Variants in AK7 observed in about 807,000 individuals in gnomAD.
The protein encoded by AK7 is ATP-AMP transphosphorylase 7.
AK7 carries 78 observed loss-of-function variants against 96.6 expected under a neutral mutation model. The ratio of observed to expected loss-of-function variants is 0.81; its 90% CI spans 0.67 to 0.97. AK7 has a LOEUF of 0.97. Ranked by LOEUF, AK7 falls within the 50% of genes least tolerant of loss-of-function variation. The pLI is 0.00. For synonymous variants in AK7, 302 were observed against 317.2 expected (o/e 0.95, Z 0.51); for missense variants, 855 against 887.9 (o/e 0.96, Z 0.47).
In AK7 at chr14:96,442,821, A is replaced by G. The variant is rs768831247; in HGVS notation, c.779+3A>G. Reference sequence around the variant, plus strand: ...ATCCATGTTCTTGATCTAGCAGGGTAAGCATTCGCCCAGAGACGTGACCTT... The same window carrying G: ...ATCCATGTTCTTGATCTAGCAGGGTGAGCATTCGCCCAGAGACGTGACCTT... On this transcript the variant is annotated splice_donor_region_variant and intron_variant, in intron 7 of 17. Coordinates refer to ENST00000267584, the MANE Select transcript of AK7 (RefSeq NM_152327.5). The G allele has an allele frequency of 2.8e-5, 45 of 1,612,804 alleles. No homozygotes were observed. The East Asian group carries it at 1.0e-3, about 36-fold the overall frequency.
intron 4 of AK7, among the ~76,000 whole-genome samples, chr14:96,420,258 A>T (rs1891601434): frequency 6.6e-6 from 1 of 151,682 alleles, no homozygotes; most frequent in Admixed American, 6.6e-5. Flanking sequence ...GCACTTTGGG[A>T]GGCTGAGGTG....
At chr14:96,474,572 C>T (rs530102522) in intron 14 of AK7, among the ~76,000 whole-genome samples, 15 of 151,858 alleles carry the variant, frequency 9.9e-5, no homozygotes, top group Non-Finnish European at 1.9e-4. Flanking sequence ...GCTGCAGGTG[C>T]CCTGATTACA....
At chr14:96,467,565 C>G (rs569901253) in intron 12 of AK7, among the ~76,000 whole-genome samples, 2 of 152,200 alleles carry the variant, frequency 1.3e-5, no homozygotes, top group African/African-American at 4.8e-5. Flanking sequence ...GTTTCGAACT[C>G]CTGAGCTCAG....
intron 2 of AK7, among the ~76,000 whole-genome samples, chr14:96,400,893 A>G (rs1363999559): frequency 6.6e-6 from 1 of 152,206 alleles, no homozygotes; most frequent in Admixed American, 6.5e-5. Context: ...GGAAGAGGAA[A>G]TGTAAGTTTG....
chr14:96,461,273 A>AC (rs1486983228), intron 12 of AK7, among the ~76,000 whole-genome samples: 6 of 151,748 alleles, frequency 4.0e-5, no homozygotes, highest in Admixed American at 2.6e-4. Context: ...ACATAGCAAG[A>AC]CCCCCCATGT....
intron 1 of AK7, among the ~76,000 whole-genome samples, chr14:96,393,691 T>G (rs1315902777): frequency 6.6e-6 from 1 of 152,188 alleles, no homozygotes; most frequent in Non-Finnish European, 1.5e-5. Context: ...CAATATGGCT[T>G]CATTTTAACT....
intron 16 of AK7, among the ~76,000 whole-genome samples, chr14:96,486,005 C>T (rs371174008): frequency 2.8e-4 from 42 of 152,126 alleles, no homozygotes; most frequent in East Asian, 2.1e-3. Context: ...ACCGTGGTCT[C>T]GATCTCCTGA....
intron 12 of AK7, among the ~76,000 whole-genome samples, chr14:96,468,421 G>A (rs565768397): frequency 2.0e-5 from 3 of 148,258 alleles, no homozygotes; most frequent in South Asian, 4.4e-4. Flanking sequence ...TCAGCCTCCC[G>A]AGTAGCTGGG....
intron 12 of AK7, among the ~76,000 whole-genome samples, chr14:96,463,094 G>T (rs1371500584): frequency 3.9e-5 from 6 of 151,930 alleles, no homozygotes; most frequent in Non-Finnish European, 5.9e-5. Context: ...CTGAGATTGT[G>T]CCATTGCAAT....
intron 14 of AK7, among the ~76,000 whole-genome samples, chr14:96,477,863 A>C (rs566220870): frequency 6.6e-6 from 1 of 152,254 alleles, no homozygotes; most frequent in Non-Finnish European, 1.5e-5. Context: ...CTCTCTTTGG[A>C]AGCCTGTGAT....
chr14:96,407,575 CTTTTCTTTTT>C (rs1890783511), intron 3 of AK7, among the ~76,000 whole-genome samples: 1 of 54,732 alleles, frequency 1.8e-5, no homozygotes, highest in Non-Finnish European at 3.9e-5. Context: ...TTCTTTCTTT[CTTTTCTTTTT>C]TTTTTTTTTT....
intron 2 of AK7, among the ~76,000 whole-genome samples, chr14:96,403,369 G>C (rs1033713533): frequency 6.6e-6 from 1 of 151,992 alleles, no homozygotes; most frequent in Non-Finnish European, 1.5e-5. Flanking sequence ...CCCTTAGAGG[G>C]AACCAACCCT....
rs1895582985 is a variant in AK7 at position 96,483,019 on chromosome 14, G to A, written c.1774G>A (p.Ala592Thr). The change falls in exon 16 of 18, where the codon GCT becomes ACT. Residue 592 changes from alanine (A) to threonine (T), a missense_variant. By Grantham distance (58) the Ala-to-Thr change is moderately conservative. Transcript: ENST00000267584. ...IHIDVGKLED[A>T]QNRLAIKQLI... Reference sequence around the variant, plus strand: ...TAAAGATGTAGGAAAACTTGAAGATGCTCAGAATAGACTTGCTATCAAACA... The same window carrying A: ...TAAAGATGTAGGAAAACTTGAAGATACTCAGAATAGACTTGCTATCAAACA... 6.2e-7 allele frequency: 1 copy of A among 1,614,190 alleles called. No individual in the cohort carries two copies. The highest frequency in any genetic ancestry group is 8.5e-7 in the Non-Finnish European group (1 of 1,180,030).
chr14:96,471,973 C>T (rs777621399), intron 13 of AK7, among the ~76,000 whole-genome samples: 8 of 152,100 alleles, frequency 5.3e-5, no homozygotes, highest in Non-Finnish European at 1.0e-4. Context: ...TAAAACTTTA[C>T]GCCTGTTGAT....
chr14:96,394,804 C>A (rs1387963336), intron 1 of AK7, among the ~76,000 whole-genome samples: 1 of 152,126 alleles, frequency 6.6e-6, no homozygotes, highest in African/African-American at 2.4e-5. Context: ...AGCAAAATCC[C>A]ATCTCTACTA....
At chr14:96,483,895 C>T (rs1895640351) in intron 16 of AK7, among the ~76,000 whole-genome samples, 1 of 152,116 alleles carries the variant, frequency 6.6e-6, no homozygotes, top group Non-Finnish European at 1.5e-5. Flanking sequence ...CCTCCTCATT[C>T]CCCAAATCAC....
chr14:96,412,658 C>T (rs1595381315), intron 4 of AK7, among the ~76,000 whole-genome samples: 2 of 151,940 alleles, frequency 1.3e-5, no homozygotes, highest in African/African-American at 4.8e-5. Context: ...CTCCACCTCC[C>T]AGGTTCAAGT....
chr14:96,475,300 A>T (rs563260233), intron 14 of AK7, among the ~76,000 whole-genome samples: 1 of 152,162 alleles, frequency 6.6e-6, no homozygotes, highest in Non-Finnish European at 1.5e-5. Flanking sequence ...ATGCCATTGA[A>T]ATAATTTACA....
chr14:96,431,534 G>A (rs1892354217), intron 5 of AK7, among the ~76,000 whole-genome samples: 1 of 152,144 alleles, frequency 6.6e-6, no homozygotes, highest in Non-Finnish European at 1.5e-5. Flanking sequence ...AGTCATTCAG[G>A]AGCAGGTTGT....
Sources: allele counts gnomAD v4.1 joint callset (sites outside exome capture counted in the v4.1 genomes callset), GRCh38; gene constraint gnomAD v4.1.1; transcripts MANE v1.5; gene names NCBI Gene and HGNC (gene_info 2026-07-23, HGNC 2026-07-21).